Variants in AGPAT4 observed in about 807,000 individuals in gnomAD.
The protein encoded by AGPAT4 is 1-acylglycerol-3-phosphate O-acyltransferase 4, also known as 1-acyl-sn-glycerol-3-phosphate acyltransferase delta.
AGPAT4 carries 15 observed loss-of-function variants against 48.0 expected under a neutral mutation model. The observed-to-expected ratio is 0.31, with a 90% CI of 0.21 to 0.48. The LOEUF is 0.48. AGPAT4 is among the 20% of genes least tolerant of loss of function. The pLI is 0.99. For missense variants in AGPAT4, 314 were observed against 482.5 expected (o/e 0.65, Z 3.27); for synonymous variants, 178 against 198.7 (o/e 0.90, Z 0.88).
intron 1 of AGPAT4, among the ~76,000 whole-genome samples, chr6:161,257,538 A>C (rs542242946): frequency 6.6e-6 from 1 of 152,200 alleles, no homozygotes; most frequent in Non-Finnish European, 1.5e-5. Context: ...TCATTGAACT[A>C]TACACTTAAA....
rs373564543 is a variant in AGPAT4, at chr6:161,178,588, C to T, written c.179-12171G>A. 2.3e-4 allele frequency among the ~76,000 whole-genome samples: 35 copies of T among 152,258 alleles called. No individual in the cohort carries two copies. The highest frequency in any genetic ancestry group is 6.8e-3 in the Middle Eastern group (2 of 294). ...GGACCCCTGCACTTCCCGGGTGAGG[C>T]GATGCCCCACCCTGCTTCAGCTCAC... On this transcript the variant is annotated intron_variant, in intron 2 of 8. Transcript: ENST00000320285. The surrounding 1 kb of genome is among the most constrained non-coding windows in gnomAD (Gnocchi z 5.1).
In AGPAT4 at chr6:161,180,715, G is replaced by A. The variant is rs188298238; in HGVS notation, c.179-14298C>T. ...ATGTGGTGTCATTCTTCCCTGTAGC[G>A]GTGCTGGAGGGCCGGGTCTCTCTCC... On this transcript the variant is annotated intron_variant, in intron 2 of 8. Transcript: ENST00000320285. The surrounding 1 kb of genome is among the most constrained non-coding windows in gnomAD (Gnocchi z 6.4). Among the ~76,000 whole-genome samples, 61 of 152,198 alleles carry A rather than the reference G, an allele frequency of 4.0e-4. 1 individual carries two copies. The highest frequency in any genetic ancestry group is 1.2e-3 in the African/African-American group (49 of 41,528).
Position 161,194,605 on chromosome 6 carries a change from T to C in AGPAT4, c.179-28188A>G, listed in dbSNP as rs111379664. 4.8e-3 allele frequency among the ~76,000 whole-genome samples: 731 copies of C among 151,722 alleles called. 12 individuals are homozygous for C. Among genetic ancestry groups the C allele is most frequent in the African/African-American group, 0.016 (680 of 41,258 alleles). The stretch of plus-strand genomic sequence containing the variant: ...ATATATGTGTATGTATGTATGTGTG[T>C]CTATGTATGTGTACATGTGTGTATG... On this transcript the variant is annotated intron_variant, in intron 2 of 8. Transcript: ENST00000320285.
rs772672322 is a variant in AGPAT4, at chr6:161,138,610, G to A, written c.1042+812C>T. On this transcript the variant is annotated intron_variant, in intron 8 of 8. Coordinates refer to ENST00000320285, the MANE Select transcript of AGPAT4 (RefSeq NM_020133.3). This position sits in a 1 kb window ranked among gnomAD's most constrained non-coding sequence, Gnocchi z 4.8. ...GTCTATTGCTTGGGCCTTTTATAGT[G>A]AGCATACTGCATCTTTGTGTTTGAC... Among the ~76,000 whole-genome samples, 3 of 152,200 alleles carry A rather than the reference G, an allele frequency of 2.0e-5. 1 individual carries two copies. Among genetic ancestry groups the A allele is most frequent in the Middle Eastern group, 3.4e-3 (1 of 294 alleles).
rs1260761080 is a variant in AGPAT4, at chr6:161,135,723, G to A, written c.*817C>T. On this transcript the variant is annotated 3_prime_UTR_variant, in exon 9 of 9. Coordinates refer to ENST00000320285, the MANE Select transcript of AGPAT4 (RefSeq NM_020133.3). ...TCACTGCAGAATGCCCAGGCTGTAC[G>A]TTCATGATGTTTGTGTTCAATTTCA... 4 of 152,298 alleles carry A rather than the reference G, an allele frequency of 2.6e-5. No individual in the cohort carries two copies. Among genetic ancestry groups the A allele is most frequent in the East Asian group, 1.9e-4 (1 of 5,194 alleles). The allele number at this position is 152,298 out of a possible 1,614,324, so 9.4% of individuals were successfully genotyped here.
At position 161,216,346 on chromosome 6, in the gene AGPAT4, CTGCAACAAG is replaced by C. The variant is rs1342015665; in HGVS notation, c.178+15681_178+15689del. Among the ~76,000 whole-genome samples, 1 of 152,228 alleles carries C rather than the reference CTGCAACAAG, an allele frequency of 6.6e-6. No homozygotes were observed. The highest frequency in any genetic ancestry group is 1.5e-5 in the Non-Finnish European group (1 of 68,044). On this transcript the variant is annotated intron_variant, in intron 2 of 8. Transcript: ENST00000320285. The surrounding 1 kb of genome is among the most constrained non-coding windows in gnomAD (Gnocchi z 4.8). ...GTCTCTTCTGTCCTCAAGCAAACGT[CTGCAACAAG>C]TGCGTCTCTTGTCCAGGATGACAGA...
At position 161,137,741 on chromosome 6, in the gene AGPAT4, C is replaced by T. The variant is rs772540579; in HGVS notation, c.1043-1107G>A. Among the ~76,000 whole-genome samples the T allele has an allele frequency of 1.3e-5, 2 of 152,212 alleles. No individual in the cohort carries two copies. The highest frequency in any genetic ancestry group is 1.9e-4 in the East Asian group (1 of 5,170). On this transcript the variant is annotated intron_variant, in intron 8 of 8. Coordinates refer to ENST00000320285, the MANE Select transcript of AGPAT4 (RefSeq NM_020133.3). The surrounding 1 kb of genome is among the most constrained non-coding windows in gnomAD (Gnocchi z 6.1). ...TCAGCTCCTCAGATGCTCCTGGAGACGCCGTGTCCACACTGCACCCCTCAG... is the reference window on the plus strand; with the variant it reads ...TCAGCTCCTCAGATGCTCCTGGAGATGCCGTGTCCACACTGCACCCCTCAG...
intron 2 of AGPAT4, among the ~76,000 whole-genome samples, chr6:161,168,129 G>C (rs935523467): frequency 6.6e-5 from 10 of 151,996 alleles, no homozygotes; most frequent in African/African-American, 2.4e-4. Context: ...GGCGGTGGTG[G>C]GGTGGGGGGC....
At position 161,231,683 on chromosome 6, in the gene AGPAT4, C is replaced by T. The variant is rs75550305; in HGVS notation, c.178+353G>A. On this transcript the variant is annotated intron_variant, in intron 2 of 8. Coordinates refer to ENST00000320285, the MANE Select transcript of AGPAT4 (RefSeq NM_020133.3). This position sits in a 1 kb window ranked among gnomAD's most constrained non-coding sequence, Gnocchi z 5.3. Reference sequence around the variant, plus strand: ...CTATATAGATATATACACAGAAAGACGCACATGCATTTACAAGTATAAGAG... The same window carrying T: ...CTATATAGATATATACACAGAAAGATGCACATGCATTTACAAGTATAAGAG... 5.3e-4 allele frequency among the ~76,000 whole-genome samples: 80 copies of T among 152,006 alleles called. No individual in the cohort carries two copies. Among genetic ancestry groups the T allele is most frequent in the African/African-American group, 1.8e-3 (74 of 41,448 alleles).
chr6:161,178,847 G>A lies in AGPAT4; in HGVS notation c.179-12430C>T, dbSNP rs1409365949. 6.6e-6 allele frequency among the ~76,000 whole-genome samples: 1 copy of A among 152,232 alleles called. No individual in the cohort carries two copies. Among genetic ancestry groups the A allele is most frequent in the Non-Finnish European group, 1.5e-5 (1 of 68,046 alleles). On this transcript the variant is annotated intron_variant, in intron 2 of 8. Transcript: ENST00000320285. The surrounding 1 kb of genome is among the most constrained non-coding windows in gnomAD (Gnocchi z 5.1). The stretch of plus-strand genomic sequence containing the variant: ...GACTGTGCTGCTCTCTGAGGGCTCA[G>A]TGAATGCCATCTCTCTACAAAGCAG...
At chr6:161,253,352 T>A (rs1174105696) in intron 1 of AGPAT4, among the ~76,000 whole-genome samples, 1 of 151,178 alleles carries the variant, frequency 6.6e-6, no homozygotes, top group Non-Finnish European at 1.5e-5. Context: ...CCTCCCAGGT[T>A]CACGCCATTC....
In AGPAT4 at chr6:161,233,332, G is replaced by A. The variant is rs951750912; in HGVS notation, c.-89-1030C>T. Reference sequence around the variant, plus strand: ...TTCAAATACTCTGATGAAAAGGAAAGCTGTGAGCAGCGGACTCGCTTTTCC... The same window carrying A: ...TTCAAATACTCTGATGAAAAGGAAAACTGTGAGCAGCGGACTCGCTTTTCC... On this transcript the variant is annotated intron_variant, in intron 1 of 8. Transcript: ENST00000320285. The surrounding 1 kb of genome is among the most constrained non-coding windows in gnomAD (Gnocchi z 5.4). 1.3e-4 allele frequency among the ~76,000 whole-genome samples: 20 copies of A among 152,198 alleles called. No individual in the cohort carries two copies. The highest frequency in any genetic ancestry group is 4.3e-4 in the African/African-American group (18 of 41,450).
chr6:161,150,316 G>A (rs1356460422), intron 5 of AGPAT4, among the ~76,000 whole-genome samples: 2 of 152,276 alleles, frequency 1.3e-5, no homozygotes, highest in Non-Finnish European at 2.9e-5. Context: ...TGGGCAGCTG[G>A]GGCTAGGTCT....
intron 2 of AGPAT4, among the ~76,000 whole-genome samples, chr6:161,186,989 G>A (rs960915091): frequency 1.3e-5 from 2 of 152,170 alleles, no homozygotes; most frequent in Non-Finnish European, 2.9e-5. Context: ...GAGGGACACA[G>A]CCTCAGACTC....
At position 161,136,908 on chromosome 6, in the gene AGPAT4, G is replaced by A. The variant is rs140770870; in HGVS notation, c.1043-274C>T. ...TTTGGCAAGCCATGCACAGCCGTTC[G>A]CAGGGACTCAGAGAAATCCCTGGCT... On this transcript the variant is annotated intron_variant, in intron 8 of 8. Coordinates refer to ENST00000320285, the MANE Select transcript of AGPAT4 (RefSeq NM_020133.3). Among the ~76,000 whole-genome samples the A allele has an allele frequency of 3.9e-4, 59 of 152,332 alleles. 1 individual carries two copies. The East Asian group carries it at 0.011, about 28-fold the overall frequency.
rs972738634 is a variant in AGPAT4 at position 161,142,729 on chromosome 6, C to T, written c.844-3109G>A. On this transcript the variant is annotated intron_variant, in intron 7 of 8. Coordinates refer to ENST00000320285, the MANE Select transcript of AGPAT4 (RefSeq NM_020133.3). This position sits in a 1 kb window ranked among gnomAD's most constrained non-coding sequence, Gnocchi z 6.4. The stretch of plus-strand genomic sequence containing the variant: ...GAGGAACAGAGAGGAAGAAGCGGCT[C>T]CTCTTAGTCAGCAAGTCTGGGCGGG... 6.6e-6 allele frequency among the ~76,000 whole-genome samples: 1 copy of T among 151,882 alleles called. No homozygotes were observed. The highest frequency in any genetic ancestry group is 2.4e-5 in the African/African-American group (1 of 41,162).
chr6:161,139,721 C>T lies in AGPAT4; in HGVS notation c.844-101G>A. On this transcript the variant is annotated intron_variant, in intron 7 of 8. Coordinates refer to ENST00000320285, the MANE Select transcript of AGPAT4 (RefSeq NM_020133.3). The surrounding 1 kb of genome is among the most constrained non-coding windows in gnomAD (Gnocchi z 9.1). ...AGGGAATCGCAGAGATACACAGGTGCCACCGGGGCTCGGCAGAACTGGGGT... is the reference window on the plus strand; with the variant it reads ...AGGGAATCGCAGAGATACACAGGTGTCACCGGGGCTCGGCAGAACTGGGGT... The T allele has an allele frequency of 9.4e-7, 1 of 1,060,554 alleles. No individual in the cohort carries two copies. The highest frequency in any genetic ancestry group is 1.4e-6 in the Non-Finnish European group (1 of 733,264). The allele number at this position is 1,060,554 out of a possible 1,614,324, so 65.7% of individuals were successfully genotyped here. A position where few individuals can be genotyped will look rare whatever the true frequency, so the allele number is the denominator to read the frequency against.
At chr6:161,228,841 C>T (rs74374650) in intron 2 of AGPAT4, among the ~76,000 whole-genome samples, 2,645 of 152,098 alleles carry the variant, frequency 0.017, 73 homozygotes, top group African/African-American at 0.058. Context: ...CCAAGCCAGC[C>T]TGACTTGGCC....
intron 1 of AGPAT4, among the ~76,000 whole-genome samples, chr6:161,247,405 T>C (rs1257439737): frequency 6.6e-6 from 1 of 152,216 alleles, no homozygotes. Context: ...TGATTTGTTT[T>C]CTTCTATTCT....
Sources: allele counts gnomAD v4.1 joint callset (sites outside exome capture counted in the v4.1 genomes callset), GRCh38; gene constraint gnomAD v4.1.1; non-coding constraint Gnocchi (gnomAD v3.1); transcripts MANE v1.5; gene names NCBI Gene and HGNC (gene_info 2026-07-23, HGNC 2026-07-21).